ASTN2: variants seen among roughly 807,000 people sequenced by gnomAD.
The protein encoded by ASTN2 is astrotactin 2.
ASTN2 carries 54 observed loss-of-function variants against 139.8 expected under a neutral mutation model. The observed-to-expected ratio is 0.39, with a 90% CI of 0.31 to 0.48. The LOEUF is 0.48. ASTN2 is among the 20% of genes least tolerant of loss of function. ASTN2 has a pLI of 0.95. For missense variants in ASTN2, 1,565 were observed against 1,725.1 expected (o/e 0.91, Z 1.64); for synonymous variants, 756 against 719.5 (o/e 1.05, Z -0.81).
intron 1 of ASTN2, among the ~76,000 whole-genome samples, chr9:117,314,328 T>C (rs900739432): frequency 2.6e-4 from 39 of 151,704 alleles, no homozygotes; most frequent in African/African-American, 9.4e-4. Context: ...GCATTAGCAA[T>C]GAAGACACAG....
intron 2 of ASTN2, among the ~76,000 whole-genome samples, chr9:117,276,814 T>A (rs1029509173): frequency 1.3e-5 from 2 of 152,196 alleles, no homozygotes; most frequent in African/African-American, 4.8e-5. Context: ...TCTCCCTAGC[T>A]GTGTGGTCTT....
intron 22 of ASTN2, among the ~76,000 whole-genome samples, chr9:116,439,421 C>T (rs1847772784): frequency 7.2e-6 from 1 of 139,574 alleles, no homozygotes; most frequent in South Asian, 3.3e-4. Context: ...GGGATGGTCT[C>T]GATCTCCTGA....
intron 13 of ASTN2, among the ~76,000 whole-genome samples, chr9:116,804,177 C>G (rs1010478300): frequency 2.0e-5 from 3 of 152,084 alleles, no homozygotes; most frequent in African/African-American, 2.4e-5. Flanking sequence ...ATTCACATCT[C>G]CATTCTCATT....
chr9:116,611,950 C>A (rs1457900267), intron 19 of ASTN2: 1 of 152,068 alleles, frequency 6.6e-6, no homozygotes, highest in African/African-American at 2.4e-5. Context: ...CTAATTAAAA[C>A]AAACAGATAA....
intron 20 of ASTN2, among the ~76,000 whole-genome samples, chr9:116,479,481 G>A (rs1489128523): frequency 2.0e-5 from 3 of 151,226 alleles, no homozygotes; most frequent in African/African-American, 7.3e-5. Flanking sequence ...CAGCCCCCTG[G>A]GCTTTTGGAA....
At chr9:116,619,367 G>A (rs1198089840) in intron 18 of ASTN2, among the ~76,000 whole-genome samples, 3 of 151,976 alleles carry the variant, frequency 2.0e-5, no homozygotes, top group Non-Finnish European at 2.9e-5. Flanking sequence ...CCTTCTGCCT[G>A]AGACATGAGT....
chr9:116,487,976 A>T (rs1849395086), intron 19 of ASTN2, among the ~76,000 whole-genome samples: 1 of 152,194 alleles, frequency 6.6e-6, no homozygotes, highest in Admixed American at 6.5e-5. Context: ...ACTGTTAGGC[A>T]TGGGTACTGG....
At position 116,423,974 on chromosome 9, in the gene ASTN2, T is replaced by C. The variant is rs1588043704; in HGVS notation, c.*1877A>G. On this transcript the variant is annotated 3_prime_UTR_variant, in exon 23 of 23. Coordinates refer to ENST00000313400, the MANE Select transcript of ASTN2 (RefSeq NM_001365068.1). ...TATGTTTTATTGATATTCAGTATCTTTTCCTCTTCTGAAACCCCACAGTGC... is the reference window on the plus strand; with the variant it reads ...TATGTTTTATTGATATTCAGTATCTCTTCCTCTTCTGAAACCCCACAGTGC... Among the ~76,000 whole-genome samples the C allele has an allele frequency of 6.6e-6, 1 of 152,288 alleles. No homozygotes were observed. Among genetic ancestry groups the C allele is most frequent in the South Asian group, 2.1e-4 (1 of 4,814 alleles).
rs114050027 is a variant in ASTN2, at chr9:117,095,402, C to G, written c.1276+642G>C. 4.2e-3 allele frequency among the ~76,000 whole-genome samples: 646 copies of G among 152,294 alleles called. 6 individuals are homozygous for G. Among genetic ancestry groups the G allele is most frequent in the African/African-American group, 0.015 (620 of 41,568 alleles). ...GTGGAGTCCTGCTTCAGCATTTGGCCATCCCCCTACATTGAGTGCCATTGT... is the reference window on the plus strand; with the variant it reads ...GTGGAGTCCTGCTTCAGCATTTGGCGATCCCCCTACATTGAGTGCCATTGT... On this transcript the variant is annotated intron_variant, in intron 5 of 22. Transcript: ENST00000313400.
At chr9:117,203,685 A>G (rs1276356704) in intron 3 of ASTN2, among the ~76,000 whole-genome samples, 1 of 151,990 alleles carries the variant, frequency 6.6e-6, no homozygotes, top group Non-Finnish European at 1.5e-5. Flanking sequence ...GTGCCTGGAG[A>G]TGTCACTCAA....
At chr9:116,705,874 T>G (rs1303728250) in intron 16 of ASTN2, among the ~76,000 whole-genome samples, 1 of 152,070 alleles carries the variant, frequency 6.6e-6, no homozygotes. Context: ...GGTACAAGAT[T>G]AGGATGAAGA....
At chr9:117,140,619 G>GGAGGAGGAGGAA (rs1052645015) in intron 4 of ASTN2, among the ~76,000 whole-genome samples, 2 of 151,316 alleles carry the variant, frequency 1.3e-5, no homozygotes, top group Non-Finnish European at 2.9e-5. Flanking sequence ...AGGAGAAAGA[G>GGAGGAGGAGGAA]GAGGAGGAGG....
At chr9:116,536,998 C>T (rs1257395243) in intron 19 of ASTN2, among the ~76,000 whole-genome samples, 4 of 152,220 alleles carry the variant, frequency 2.6e-5, no homozygotes, top group Admixed American at 1.3e-4. Flanking sequence ...CTGTGGTGGG[C>T]TCCACCCCTT....
intron 4 of ASTN2, among the ~76,000 whole-genome samples, chr9:117,127,969 C>T (rs889627524): frequency 4.0e-5 from 6 of 151,870 alleles, no homozygotes; most frequent in Non-Finnish European, 8.8e-5. Context: ...CGTGAGCCAC[C>T]GCTCCCGGCC....
At chr9:116,752,321 AAAG>A (rs757317709) in intron 13 of ASTN2, among the ~76,000 whole-genome samples, 6 of 152,336 alleles carry the variant, frequency 3.9e-5, no homozygotes, top group African/African-American at 1.4e-4. Context: ...GGGATGAAGA[AAAG>A]AAGAAGAAAA....
chr9:116,619,637 C>A (rs973751961), intron 18 of ASTN2, among the ~76,000 whole-genome samples: 2 of 151,804 alleles, frequency 1.3e-5, no homozygotes, highest in Admixed American at 1.3e-4. Context: ...GATCCTACCA[C>A]CTCAGCCTCC....
At chr9:117,095,744 A>T (rs1410914953) in intron 5 of ASTN2, among the ~76,000 whole-genome samples, 1 of 152,210 alleles carries the variant, frequency 6.6e-6, no homozygotes, top group Non-Finnish European at 1.5e-5. Context: ...TTATTTTCAT[A>T]TTAATATGAT....
At chr9:116,726,199 T>C (rs1294395478) in intron 15 of ASTN2, among the ~76,000 whole-genome samples, 1 of 152,080 alleles carries the variant, frequency 6.6e-6, no homozygotes, top group Non-Finnish European at 1.5e-5. Flanking sequence ...AGGCCTAAAC[T>C]CAGCAACGTA....
chr9:117,233,366 C>T (rs1002759973), intron 2 of ASTN2, among the ~76,000 whole-genome samples: 4 of 152,304 alleles, frequency 2.6e-5, no homozygotes, highest in South Asian at 2.1e-4. Flanking sequence ...TCAATACCCC[C>T]TTAGCCTGAT....
Sources: allele counts gnomAD v4.1 joint callset (sites outside exome capture counted in the v4.1 genomes callset), GRCh38; gene constraint gnomAD v4.1.1; transcripts MANE v1.5; gene names NCBI Gene and HGNC (gene_info 2026-07-23, HGNC 2026-07-21).